The following MYO1D variants were observed in gnomAD, a reference collection of about 807,000 sequenced individuals.
MYO1D encodes unconventional myosin-Id.
In MYO1D, 83 loss-of-function variants were observed where a neutral mutation model predicts 122.0. The observed-to-expected ratio is 0.68, with a 90% CI of 0.57 to 0.82. The LOEUF is 0.82. Ranked by LOEUF, MYO1D falls within the 40% of genes least tolerant of loss-of-function variation. The pLI, the probability that MYO1D is intolerant of heterozygous loss-of-function variation, is 0.00. For missense variants in MYO1D, 1,157 were observed against 1,269.5 expected (o/e 0.91, Z 1.35); for synonymous variants, 464 against 446.9 (o/e 1.04, Z -0.48).
intron 20 of MYO1D, among the ~76,000 whole-genome samples, chr17:32,617,695 C>A (rs1252217091): frequency 6.6e-6 from 1 of 152,212 alleles, no homozygotes; most frequent in Non-Finnish European, 1.5e-5. Context: ...CCCGCTTCAG[C>A]CTCCCAAAGT....
rs116096034 is a variant in MYO1D, at chr17:32,523,652, T to C, written c.2865-28737A>G. Among the ~76,000 whole-genome samples, 877 of 151,962 alleles carry C rather than the reference T, an allele frequency of 5.8e-3. 9 individuals are homozygous for C. The highest frequency in any genetic ancestry group is 0.02 in the African/African-American group (845 of 41,414). On this transcript the variant is annotated intron_variant, in intron 21 of 21. Transcript: ENST00000318217. Reference sequence around the variant, plus strand: ...GGAGAAACCCTATCTCTACAAAAGATTACCCAGGCATGGTGGTGTGCACTT... The same window carrying C: ...GGAGAAACCCTATCTCTACAAAAGACTACCCAGGCATGGTGGTGTGCACTT...
chr17:32,683,993 G>A (rs1375853599), intron 16 of MYO1D, among the ~76,000 whole-genome samples: 1 of 152,238 alleles, frequency 6.6e-6, no homozygotes, highest in African/African-American at 2.4e-5. Flanking sequence ...ATATTCGGGT[G>A]GGAGTGACCC....
At chr17:32,617,668 T>C (rs1472839595) in intron 20 of MYO1D, among the ~76,000 whole-genome samples, 2 of 152,164 alleles carry the variant, frequency 1.3e-5, no homozygotes, top group Admixed American at 6.5e-5. Context: ...CTCGAACTCT[T>C]AGCCTCAGGT....
At chr17:32,808,687 A>C (rs1189697959) in intron 1 of MYO1D, among the ~76,000 whole-genome samples, 1 of 152,174 alleles carries the variant, frequency 6.6e-6, no homozygotes, top group African/African-American at 2.4e-5. Flanking sequence ...GAATGAGACT[A>C]GTGCCCTTAC....
chr17:32,780,813 G>A lies in MYO1D; in HGVS notation c.96-29C>T, dbSNP rs1425321030. ...TACAGAAGCAAAAGAAAAGGAAGAC[G>A]TAGCTGTGGTTACAGAGAAATGATG... On this transcript the variant is annotated intron_variant, in intron 1 of 21. Coordinates refer to ENST00000318217, the MANE Select transcript of MYO1D (RefSeq NM_015194.3). The A allele has an allele frequency of 5.6e-6, 9 of 1,601,536 alleles. 1 individual carries two copies. In the South Asian group the frequency reaches 6.6e-5, roughly 12 times the overall value.
intron 1 of MYO1D, among the ~76,000 whole-genome samples, chr17:32,802,754 T>C (rs1954566143): frequency 6.6e-6 from 1 of 152,214 alleles, no homozygotes; most frequent in Non-Finnish European, 1.5e-5. Flanking sequence ...TATATATACA[T>C]ACAGATAAAT....
chr17:32,534,250 T>C (rs997340206), intron 21 of MYO1D, among the ~76,000 whole-genome samples: 1 of 152,200 alleles, frequency 6.6e-6, no homozygotes, highest in African/African-American at 2.4e-5. Flanking sequence ...CACTGCAGCA[T>C]TGAATTTCTG....
intron 21 of MYO1D, among the ~76,000 whole-genome samples, chr17:32,502,232 A>G (rs1409617897): frequency 1.3e-5 from 2 of 152,244 alleles, no homozygotes; most frequent in African/African-American, 2.4e-5. Context: ...AACAGAAAGG[A>G]ATAAAGTATT....
chr17:32,563,650 T>C (rs923555257), intron 21 of MYO1D, among the ~76,000 whole-genome samples: 1 of 152,198 alleles, frequency 6.6e-6, no homozygotes, highest in Admixed American at 6.5e-5. Flanking sequence ...TAAAAAGACA[T>C]ACAAATAGTT....
intron 1 of MYO1D, among the ~76,000 whole-genome samples, chr17:32,863,696 C>T (rs932603147): frequency 3.3e-5 from 5 of 152,176 alleles, no homozygotes; most frequent in African/African-American, 1.2e-4. Flanking sequence ...AGAATTAAAT[C>T]ACATTCTTTA....
At chr17:32,848,085 T>C (rs16967683) in intron 1 of MYO1D, among the ~76,000 whole-genome samples, 7,955 of 152,280 alleles carry the variant, frequency 0.052, 651 homozygotes, top group African/African-American at 0.18. Context: ...CAGTGTGTAC[T>C]ATGAAAAATG....
intron 1 of MYO1D, among the ~76,000 whole-genome samples, chr17:32,842,545 C>T (rs191940428): frequency 1.3e-5 from 2 of 152,116 alleles, no homozygotes; most frequent in African/African-American, 2.4e-5. Context: ...TTCTCTCCCC[C>T]ACTCCTCATC....
chr17:32,568,847 T>C (rs2087197131), intron 21 of MYO1D, among the ~76,000 whole-genome samples: 1 of 152,218 alleles, frequency 6.6e-6, no homozygotes. Flanking sequence ...CGAAGTGCAG[T>C]TGCACCTACT....
intron 13 of MYO1D, 67 bp downstream of exon 13, chr17:32,745,144 C>G: frequency 1.2e-6 from 1 of 855,766 alleles, no homozygotes; most frequent in Non-Finnish European, 1.9e-6. Flanking sequence ...ATAAATATAA[C>G]CATGTGCATA....
chr17:32,830,955 C>A (rs940377165), intron 1 of MYO1D, among the ~76,000 whole-genome samples: 10 of 152,032 alleles, frequency 6.6e-5, no homozygotes, highest in Non-Finnish European at 1.3e-4. Flanking sequence ...ACTTGGGAGG[C>A]TGAGGCAGGA....
chr17:32,801,894 G>A (rs116869987), intron 1 of MYO1D, among the ~76,000 whole-genome samples: 3,299 of 152,310 alleles, frequency 0.022, 75 homozygotes, highest in Non-Finnish European at 0.032. Flanking sequence ...AGAAAATAAG[G>A]AAGTTCTCAC....
At chr17:32,677,349 T>TA (rs950706789) in intron 16 of MYO1D, among the ~76,000 whole-genome samples, 17 of 152,042 alleles carry the variant, frequency 1.1e-4, no homozygotes, top group South Asian at 8.3e-4. Flanking sequence ...TATCCATAAT[T>TA]AAAAATGTGT....
chr17:32,793,950 ATTT>A (rs2090386510), intron 1 of MYO1D, among the ~76,000 whole-genome samples: 1 of 152,228 alleles, frequency 6.6e-6, no homozygotes, highest in African/African-American at 2.4e-5. Context: ...ACCAAGTCGT[ATTT>A]TTATTATGAG....
At chr17:32,598,540 G>A (rs999046902) in intron 21 of MYO1D, among the ~76,000 whole-genome samples, 1 of 152,208 alleles carries the variant, frequency 6.6e-6, no homozygotes, top group Non-Finnish European at 1.5e-5. Flanking sequence ...GTCTGTGCTT[G>A]AGCCATACTG....
Sources: allele counts gnomAD v4.1 joint callset (sites outside exome capture counted in the v4.1 genomes callset), GRCh38; gene constraint gnomAD v4.1.1; transcripts MANE v1.5; gene names NCBI Gene and HGNC (gene_info 2026-07-23, HGNC 2026-07-21).